Variants in CYTH3 observed in about 807,000 individuals in gnomAD.
CYTH3 encodes the protein cytohesin 3.
In CYTH3, 23 loss-of-function variants were observed where a neutral mutation model predicts 55.1. The ratio of observed to expected loss-of-function variants is 0.42; its 90% CI spans 0.30 to 0.59. The LOEUF (loss-of-function observed/expected upper bound fraction) is 0.59, where lower values mean the gene tolerates loss of function less well. Ranked by LOEUF, CYTH3 falls within the 20% of genes least tolerant of loss-of-function variation. CYTH3 has a pLI of 0.20. For missense variants in CYTH3, 413 were observed against 524.8 expected (o/e 0.79, Z 2.08); for synonymous variants, 249 against 194.9 (o/e 1.28, Z -2.31).
chr7:6,256,804 G>A (rs1402745409), intron 1 of CYTH3, among the ~76,000 whole-genome samples: 1 of 152,156 alleles, frequency 6.6e-6, no homozygotes, highest in African/African-American at 2.4e-5. Flanking sequence ...GCCAAGGGAG[G>A]GCAGGACACA....
chr7:6,223,249 C>T (rs373618004), intron 1 of CYTH3, among the ~76,000 whole-genome samples: 2 of 152,024 alleles, frequency 1.3e-5, no homozygotes, highest in East Asian at 3.9e-4. Flanking sequence ...AACTGAGGAG[C>T]GCCTGTGCCA....
intron 4 of CYTH3, among the ~76,000 whole-genome samples, chr7:6,185,358 G>C (rs544740013): frequency 1.3e-5 from 2 of 151,360 alleles, no homozygotes; most frequent in Non-Finnish European, 2.9e-5. Flanking sequence ...GGCTGAGGTG[G>C]GCAGATCACC....
chr7:6,267,982 A>G (rs930379635), intron 1 of CYTH3, among the ~76,000 whole-genome samples: 4 of 152,178 alleles, frequency 2.6e-5, no homozygotes, highest in Non-Finnish European at 2.9e-5. Context: ...GCGCATAGTG[A>G]AAAGTTTCCT....
intron 1 of CYTH3, among the ~76,000 whole-genome samples, chr7:6,246,341 T>C (rs1779815658): frequency 6.6e-6 from 1 of 152,078 alleles, no homozygotes; most frequent in Admixed American, 6.5e-5. Context: ...ACCGTGGGAT[T>C]ATAGCCACGA....
intron 1 of CYTH3, among the ~76,000 whole-genome samples, chr7:6,209,408 G>A (rs1320615712): frequency 1.3e-5 from 2 of 152,168 alleles, no homozygotes; most frequent in African/African-American, 4.8e-5. Context: ...CTAGCTAACT[G>A]AAAAACAGAG....
intron 1 of CYTH3, among the ~76,000 whole-genome samples, chr7:6,225,531 T>A (rs1469213561): frequency 6.6e-6 from 1 of 151,962 alleles, no homozygotes; most frequent in Non-Finnish European, 1.5e-5. Context: ...TTTTTTGTGT[T>A]TTTTAGTAGA....
At chr7:6,249,085 AC>A (rs1177367659) in intron 1 of CYTH3, among the ~76,000 whole-genome samples, 42 of 152,080 alleles carry the variant, frequency 2.8e-4, no homozygotes, top group Admixed American at 1.8e-3. Context: ...TGCTGTTTGT[AC>A]ACATTTAAAA....
chr7:6,170,908 G>T lies in CYTH3; in HGVS notation c.633C>A (p.Asp211Glu). The T allele has an allele frequency of 6.2e-7, 1 of 1,614,004 alleles. No individual in the cohort carries two copies. The highest frequency in any genetic ancestry group is 1.1e-5 in the South Asian group (1 of 91,086). ...CGATGAACCGTTCTGCCGTGGGCTT[G>T]TCACGCACGTTGTGGTTGTGGAGGC... ...NTSLHNHNVRDKPTAERFIAM... is the reference protein window; with the variant it reads ...NTSLHNHNVREKPTAERFIAM... The change falls in exon 8 of 13, where the codon GAC becomes GAA. Residue 211 changes from aspartate (D) to glutamate (E), a missense_variant. Transcript: ENST00000350796. This position sits in a 1 kb window ranked among gnomAD's most constrained non-coding sequence, Gnocchi z 7.8.
intron 1 of CYTH3, among the ~76,000 whole-genome samples, chr7:6,195,477 C>G (rs550168704): frequency 1.3e-5 from 2 of 151,768 alleles, no homozygotes; most frequent in Non-Finnish European, 2.9e-5. Flanking sequence ...TTTTTTGAGA[C>G]GGCGTCTCAC....
chr7:6,169,040 A>G lies in CYTH3; in HGVS notation c.823+1495T>C, dbSNP rs893388130. ...GGTCTCTCAGGCACCCGAGCCAAAG[A>G]CCATGGTACTAGGTTTTCAGGCAAA... On this transcript the variant is annotated intron_variant, in intron 9 of 12. Coordinates refer to ENST00000350796, the MANE Select transcript of CYTH3 (RefSeq NM_004227.4). This position sits in a 1 kb window ranked among gnomAD's most constrained non-coding sequence, Gnocchi z 4.1. Among the ~76,000 whole-genome samples, 1 of 152,182 alleles carries G rather than the reference A, an allele frequency of 6.6e-6. No homozygotes were observed. The highest frequency in any genetic ancestry group is 1.5e-5 in the Non-Finnish European group (1 of 68,034).
intron 1 of CYTH3, among the ~76,000 whole-genome samples, chr7:6,191,835 G>A (rs1307863119): frequency 3.4e-5 from 5 of 148,262 alleles, no homozygotes; most frequent in African/African-American, 5.3e-5. Context: ...CAAGCACTTT[G>A]GGAGGCCAAG....
In CYTH3 at chr7:6,161,852, A is replaced by G. The variant is rs1043592427; in HGVS notation, c.*3092T>C. On this transcript the variant is annotated 3_prime_UTR_variant, in exon 13 of 13. Transcript: ENST00000350796. Reference sequence around the variant, plus strand: ...AGCTCTGACAGCCATCCACCCTCCAATCTTACTTCACTTTACAACCAAGTA... The same window carrying G: ...AGCTCTGACAGCCATCCACCCTCCAGTCTTACTTCACTTTACAACCAAGTA... 2.0e-5 allele frequency: 3 copies of G among 152,708 alleles called. No individual in the cohort carries two copies. Among genetic ancestry groups the G allele is most frequent in the South Asian group, 2.1e-4 (1 of 4,826 alleles). The allele number at this position is 152,708 out of a possible 1,614,324, so 9.5% of individuals were successfully genotyped here. A position where few individuals can be genotyped will look rare whatever the true frequency, so the allele number is the denominator to read the frequency against.
At chr7:6,244,833 G>T (rs1245879748) in intron 1 of CYTH3, among the ~76,000 whole-genome samples, 1 of 150,806 alleles carries the variant, frequency 6.6e-6, no homozygotes, top group African/African-American at 2.4e-5. Context: ...CTGTCACCCA[G>T]GCTGGAGTGC....
intron 1 of CYTH3, among the ~76,000 whole-genome samples, chr7:6,251,239 C>G (rs1460768089): frequency 1.3e-5 from 2 of 152,022 alleles, no homozygotes; most frequent in Non-Finnish European, 2.9e-5. Flanking sequence ...CACGCCATTG[C>G]ACTCCAGCCT....
rs1295676325 is a variant in CYTH3, at chr7:6,219,116, G to A, written c.35-28585C>T. ...ATACCTACATCTTCATAAGCACACC[G>A]TTGGTAGAAAAATGGACATTAAATG... On this transcript the variant is annotated intron_variant, in intron 1 of 12. Coordinates refer to ENST00000350796, the MANE Select transcript of CYTH3 (RefSeq NM_004227.4). Among the ~76,000 whole-genome samples, 5 of 151,602 alleles carry A rather than the reference G, an allele frequency of 3.3e-5. No individual in the cohort carries two copies. The South Asian group carries it at 8.3e-4, about 25-fold the overall frequency.
chr7:6,247,373 T>C (rs530963782), intron 1 of CYTH3, among the ~76,000 whole-genome samples: 12 of 152,324 alleles, frequency 7.9e-5, no homozygotes, highest in African/African-American at 1.2e-4. Flanking sequence ...CTCTTCCCAC[T>C]AATTTTATCT....
chr7:6,175,095 A>G (rs1311232398), intron 5 of CYTH3, among the ~76,000 whole-genome samples: 1 of 152,240 alleles, frequency 6.6e-6, no homozygotes, highest in East Asian at 1.9e-4. Context: ...TCTAGATTAT[A>G]TAAGGAGAAA....
At chr7:6,180,083 G>C (rs1247007780) in intron 4 of CYTH3, among the ~76,000 whole-genome samples, 1 of 152,192 alleles carries the variant, frequency 6.6e-6, no homozygotes, top group African/African-American at 2.4e-5. Context: ...CGGTGGAGAA[G>C]CCAGGTGAGG....
At position 6,170,261 on chromosome 7, in the gene CYTH3, C is replaced by G. The variant is rs1218739456; in HGVS notation, c.823+274G>C. ...CTTGCTTCTCGTGCAGGAAGCTGCC[C>G]TGGCTGGATCTGGATGCTAACTCAG... On this transcript the variant is annotated intron_variant, in intron 9 of 12. Coordinates refer to ENST00000350796, the MANE Select transcript of CYTH3 (RefSeq NM_004227.4). This position sits in a 1 kb window ranked among gnomAD's most constrained non-coding sequence, Gnocchi z 7.8. 1 of 463,612 alleles carries G rather than the reference C, an allele frequency of 2.2e-6. No individual in the cohort carries two copies. The highest frequency in any genetic ancestry group is 3.8e-6 in the Non-Finnish European group (1 of 261,586). 28.7% of individuals were successfully genotyped at this position (463,612 alleles called of 1,614,324 possible).
Sources: gnomAD v4.1 joint callset for allele counts (sites outside exome capture counted in the v4.1 genomes callset) on GRCh38, gnomAD v4.1.1 for gene constraint, Gnocchi (gnomAD v3.1) non-coding constraint, MANE v1.5 for transcripts, NCBI Gene and HGNC (gene_info 2026-07-23, HGNC 2026-07-21) for gene names.